The following ABCB1 variants were observed in gnomAD, a reference collection of about 807,000 sequenced individuals.
ABCB1 encodes ATP binding cassette subfamily B member 1, also known as ATP-dependent translocase ABCB1.
In ABCB1, 69 loss-of-function variants were observed where a neutral mutation model predicts 142.0. That is an observed-to-expected ratio of 0.49 (90% CI 0.40 to 0.59). ABCB1 has a LOEUF of 0.59. Ranked by LOEUF, ABCB1 falls within the 20% of genes least tolerant of loss-of-function variation. The pLI is 0.00. For missense variants in ABCB1, 1,326 were observed against 1,554.7 expected, an observed-to-expected ratio of 0.85 and a Z score of 2.47; for synonymous variants, 532 against 539.2, an observed-to-expected ratio of 0.99 and a Z score of 0.18.
intron 20 of ABCB1, among the ~76,000 whole-genome samples, chr7:87,535,783 T>C (rs1816261796): frequency 6.6e-6 from 1 of 152,092 alleles, no homozygotes; most frequent in African/African-American, 2.4e-5. Context: ...ATGGATAAGG[T>C]TCAAGAGGGG....
At chr7:87,705,389 G>A (rs889243811) in intron 1 of ABCB1, among the ~76,000 whole-genome samples, 11 of 152,164 alleles carry the variant, frequency 7.2e-5, no homozygotes, top group African/African-American at 1.4e-4. Context: ...TCATGCCATT[G>A]CACTGCAGCC....
rs547749250 is a variant in ABCB1, at chr7:87,693,882, T to G, written c.-331+19279A>C. The G allele has an allele frequency of 3.1e-6, 5 of 1,596,856 alleles. No individual in the cohort carries two copies. In the East Asian group the frequency reaches 6.7e-5, roughly 21 times the overall value. Reference sequence around the variant, plus strand: ...GGCAGGTTTCTTAAATATCTGTGTGTTGTTGTTGTTATTTTTTTTTTAAAG... The same window carrying G: ...GGCAGGTTTCTTAAATATCTGTGTGGTGTTGTTGTTATTTTTTTTTTAAAG... On this transcript the variant is annotated intron_variant, in intron 1 of 28. Coordinates refer to the ABCB1 transcript ENST00000265724.
At chr7:87,689,430 A>T (rs1027733728) in intron 1 of ABCB1, among the ~76,000 whole-genome samples, 1 of 152,068 alleles carries the variant, frequency 6.6e-6, no homozygotes, top group East Asian at 1.9e-4. Context: ...TTTATTTTTA[A>T]TCTTGGAAAA....
rs191864178 is a variant in ABCB1, at chr7:87,544,806, C to G, written c.2064+17G>C. 5.0e-6 allele frequency: 8 copies of G among 1,613,654 alleles called. No homozygotes were observed. In the South Asian group the frequency reaches 6.6e-5, roughly 13 times the overall value. On this transcript the variant is annotated intron_variant, in intron 16 of 27. Transcript: ENST00000622132. ...CAGTTAGTGAGATTAAAACAAACTC[C>G]GCATCTCCCTTCATACCAGAGCCTC...
intron 21 of ABCB1, among the ~76,000 whole-genome samples, chr7:87,530,830 CAAGAAAGCAAGAAAGAAAGA>C (rs1446714285): frequency 0.013 from 560 of 43,372 alleles, 6 homozygotes; most frequent in African/African-American, 0.034. Flanking sequence ...AGCAAGAAAG[CAAGAAAGCAAGAAAGAAAGA>C]AAGAAAGAAA....
At chr7:87,539,231 TCTA>T in intron 19 of ABCB1, 34 bp downstream of exon 19, 2 of 1,602,306 alleles carry the variant, frequency 1.2e-6, no homozygotes, top group Non-Finnish European at 8.5e-7. Context: ...CATGGGGAGT[TCTA>T]CACATCCCAG....
At chr7:87,515,190 G>A in intron 25 of ABCB1, 41 bp downstream of exon 25, 1 of 1,607,362 alleles carries the variant, frequency 6.2e-7, no homozygotes, top group Non-Finnish European at 8.5e-7. Flanking sequence ...ACATTTGGAT[G>A]ATGAAAACCT....
chr7:87,607,796 C>T (rs1819709417), intron 1 of ABCB1, among the ~76,000 whole-genome samples: 1 of 152,114 alleles, frequency 6.6e-6, no homozygotes, highest in East Asian at 1.9e-4. Flanking sequence ...GTGGCAAGTA[C>T]TTTGCTAGAT....
At chr7:87,686,702 G>T (rs1038553834) in intron 1 of ABCB1, among the ~76,000 whole-genome samples, 1 of 151,462 alleles carries the variant, frequency 6.6e-6, no homozygotes, top group African/African-American at 2.4e-5. Context: ...CACTTTGGGA[G>T]CCAAGGCAGG....
chr7:87,541,270 G>A lies in ABCB1; in HGVS notation c.2319+87C>T, dbSNP rs542331237. On this transcript the variant is annotated intron_variant, in intron 18 of 27. Transcript: ENST00000622132. ...TGTTAATAGAGAAGTTCTACTAAAA[G>A]GCCAATTACACTGATGTTTATAAAT... 4.3e-5 allele frequency: 39 copies of A among 910,284 alleles called. No homozygotes were observed. In the East Asian group the frequency reaches 9.5e-4, roughly 22 times the overall value. The allele number at this position is 910,284 out of a possible 1,614,324, so 56.4% of individuals were successfully genotyped here. A position where few individuals can be genotyped will look rare whatever the true frequency, so the allele number is the denominator to read the frequency against.
intron 4 of ABCB1, among the ~76,000 whole-genome samples, chr7:87,583,526 G>C (rs1818607347): frequency 6.6e-6 from 1 of 152,138 alleles, no homozygotes; most frequent in Admixed American, 6.5e-5. Context: ...ACCTCACCTA[G>C]AAACTAGATA....
chr7:87,530,021 G>C (rs1177537456), intron 21 of ABCB1, among the ~76,000 whole-genome samples: 1 of 152,188 alleles, frequency 6.6e-6, no homozygotes, highest in Non-Finnish European at 1.5e-5. Context: ...AGATTTTCCA[G>C]AGGGAACCCC....
At chr7:87,678,960 A>G (rs563110860) in intron 1 of ABCB1, among the ~76,000 whole-genome samples, 1 of 152,278 alleles carries the variant, frequency 6.6e-6, no homozygotes, top group South Asian at 2.1e-4. Context: ...AAATAGAAAA[A>G]TCTACATTAT....
At chr7:87,676,274 C>T (rs912297665) in intron 1 of ABCB1, among the ~76,000 whole-genome samples, 4 of 151,990 alleles carry the variant, frequency 2.6e-5, no homozygotes, top group Non-Finnish European at 4.4e-5. Context: ...GCAAAGGAAA[C>T]AATCCACAAA....
intron 1 of ABCB1, among the ~76,000 whole-genome samples, chr7:87,672,124 C>G (rs1353850438): frequency 2.0e-5 from 3 of 152,228 alleles, no homozygotes; most frequent in Admixed American, 6.5e-5. Flanking sequence ...CTGCCTCTCC[C>G]TCTGGGAGCA....
intron 1 of ABCB1, among the ~76,000 whole-genome samples, chr7:87,615,338 C>T (rs1487002741): frequency 6.6e-6 from 1 of 152,018 alleles, no homozygotes; most frequent in East Asian, 1.9e-4. Flanking sequence ...AACAAGAGGC[C>T]AGTGTGGCTG....
intron 5 of ABCB1, among the ~76,000 whole-genome samples, chr7:87,568,158 G>A (rs1314449854): frequency 6.7e-6 from 1 of 150,196 alleles, no homozygotes; most frequent in Non-Finnish European, 1.5e-5. Context: ...CACTTCGGGA[G>A]GCCAAGGTGG....
intron 22 of ABCB1, 51 bp downstream of exon 22, chr7:87,520,722 TATG>T: frequency 1.3e-6 from 2 of 1,490,442 alleles, no homozygotes; most frequent in South Asian, 1.1e-5. Context: ...TGAAAACAAA[TATG>T]ATGATTGAAA....
intron 1 of ABCB1, among the ~76,000 whole-genome samples, chr7:87,642,522 A>G (rs10233247): frequency 0.05 from 7,610 of 152,174 alleles, 294 homozygotes; most frequent in East Asian, 0.13. Context: ...GTTCTTTCAT[A>G]TGAGATTAAA....
Sources: gnomAD v4.1 joint callset for allele counts (sites outside exome capture counted in the v4.1 genomes callset) on GRCh38, gnomAD v4.1.1 for gene constraint, MANE v1.5 for transcripts, NCBI Gene and HGNC (gene_info 2026-07-23, HGNC 2026-07-21) for gene names.